Variants in VWA3B observed in about 807,000 individuals in gnomAD.
VWA3B encodes the protein von Willebrand factor A domain containing 3B, also known as von Willebrand factor A domain-containing protein 3B.
VWA3B carries 138 observed loss-of-function variants against 158.3 expected under a neutral mutation model. That is an observed-to-expected ratio of 0.87 (90% CI 0.76 to 1.00). The LOEUF (loss-of-function observed/expected upper bound fraction) is 1.00, where lower values mean the gene tolerates loss of function less well. Among genes scored for constraint, VWA3B ranks in the 50% least tolerant of loss-of-function variants. The probability of loss-of-function intolerance (pLI) is 0.00; values close to 1 mark genes in which losing one functional copy is unlikely to be tolerated. For synonymous variants in VWA3B, 596 were observed against 587.3 expected, an observed-to-expected ratio of 1.01 and a Z score of -0.21; for missense variants, 1,555 against 1,565.1, an observed-to-expected ratio of 0.99 and a Z score of 0.11.
In VWA3B at chr2:98,162,949, A is replaced by G; in HGVS notation, c.1087A>G (p.Lys363Glu). 1 of 1,614,092 alleles carries G rather than the reference A, an allele frequency of 6.2e-7. No homozygotes were observed. The highest frequency in any genetic ancestry group is 8.5e-7 in the Non-Finnish European group (1 of 1,180,030). ...QIQRLVAEPP[K>E]PDVATVDCES... ...CCAGAGGCTGGTGGCCGAGCCTCCC[A>G]AGCCCGACGTGGCCACTGTGGACTG... The change falls in exon 8 of 28, where the codon AAG (lysine) becomes GAG (glutamate). Residue 363 changes from lysine (K) to glutamate (E), a missense_variant. Transcript: ENST00000477737.
intron 7 of VWA3B, among the ~76,000 whole-genome samples, chr2:98,135,460 C>G (rs557142695): frequency 5.5e-5 from 8 of 146,494 alleles, no homozygotes; most frequent in African/African-American, 2.0e-4. Flanking sequence ...CTCAGCCTCC[C>G]GAGTAGCTGG....
chr2:98,216,983 C>CCCCCT (rs1553417722), intron 13 of VWA3B: 6 of 1,162,068 alleles, frequency 5.2e-6, no homozygotes, highest in African/African-American at 3.4e-5. Flanking sequence ...ATTGTAAGCA[C>CCCCCT]CCGCCCCGCA....
At chr2:98,255,522 T>C (rs568306712) in intron 20 of VWA3B, among the ~76,000 whole-genome samples, 1 of 152,124 alleles carries the variant, frequency 6.6e-6, no homozygotes, top group South Asian at 2.1e-4. Flanking sequence ...TAGGAACCAC[T>C]AGCTTCAACC....
rs1558652145 is a variant in VWA3B, at chr2:98,188,009, G to T, written c.1346G>T (p.Cys449Phe). ...TNKKTVHAKYCSRFVHAPWKD... is the reference protein window; with the variant it reads ...TNKKTVHAKYFSRFVHAPWKD... ...AAGAAGACAGTCCATGCAAAATATT[G>T]CAGCAGGTTTGTCCATGCTCCCTGG... is the stretch of plus-strand genomic sequence containing the variant. Residue 449 changes from cysteine to phenylalanine, a missense_variant, in exon 10 of 28, where the codon TGC becomes TTC. Coordinates refer to ENST00000477737, the MANE Select transcript of VWA3B (RefSeq NM_144992.5). 6.2e-7 allele frequency: 1 copy of T among 1,613,620 alleles called. No homozygotes were observed. Among genetic ancestry groups the T allele is most frequent in the Non-Finnish European group, 8.5e-7 (1 of 1,179,838 alleles).
At chr2:98,290,286 G>C (rs921951675) in intron 22 of VWA3B, among the ~76,000 whole-genome samples, 8 of 152,076 alleles carry the variant, frequency 5.3e-5, no homozygotes, top group African/African-American at 1.9e-4. Context: ...CAGATCTTTT[G>C]ATAACTTTAT....
intron 3 of VWA3B, among the ~76,000 whole-genome samples, chr2:98,117,859 C>T (rs111500095): frequency 2.0e-5 from 3 of 151,430 alleles, no homozygotes; most frequent in Admixed American, 6.6e-5. Context: ...TCTCCAGCCT[C>T]GGCCTCCCAA....
chr2:98,154,670 T>C (rs1047398153), intron 7 of VWA3B, among the ~76,000 whole-genome samples: 1 of 152,146 alleles, frequency 6.6e-6, no homozygotes, highest in African/African-American at 2.4e-5. Context: ...CTCCTTAGAA[T>C]TGTACTGAAA....
chr2:98,167,594 C>G (rs1259943975), intron 8 of VWA3B, among the ~76,000 whole-genome samples: 1 of 152,110 alleles, frequency 6.6e-6, no homozygotes, highest in Non-Finnish European at 1.5e-5. Flanking sequence ...CTGGAGGGAC[C>G]AAGGCAGCTA....
chr2:98,187,624 A>G (rs1459752294), intron 9 of VWA3B, among the ~76,000 whole-genome samples: 2 of 143,738 alleles, frequency 1.4e-5, no homozygotes, highest in African/African-American at 2.7e-5. Context: ...CCACATTGCT[A>G]TGTCTCTCTC....
intron 8 of VWA3B, among the ~76,000 whole-genome samples, chr2:98,163,366 C>A (rs370037366): frequency 6.6e-6 from 1 of 152,028 alleles, no homozygotes; most frequent in Non-Finnish European, 1.5e-5. Flanking sequence ...GGTGAAACCC[C>A]GTCTCTACTG....
intron 2 of VWA3B, among the ~76,000 whole-genome samples, chr2:98,107,803 T>TA (rs1280886793): frequency 6.6e-6 from 1 of 152,090 alleles, no homozygotes; most frequent in Non-Finnish European, 1.5e-5. Context: ...TATTGATCTT[T>TA]AAAAAATACC....
rs779607015 is a variant in VWA3B, at chr2:98,311,968, C to T, written c.3671C>T (p.Ser1224Leu). 2.5e-6 allele frequency: 4 copies of T among 1,604,808 alleles called. No individual in the cohort carries two copies. The highest frequency in any genetic ancestry group is 1.1e-5 in the South Asian group (1 of 89,458). ...CTCCAGCAGGCGGCGCCCTCGGACT[C>T]GGACGGCTCCTCCCACGGCATCAGC... ...QPLQQAAPSD[S>L]DGSSHGISSH... Residue 1224 changes from serine (S) to leucine (L), a missense_variant, in exon 27 of 28, where the codon TCG becomes TTG. Physicochemically the swap from Ser to Leu is moderately radical, Grantham distance 145. Coordinates refer to ENST00000477737, the MANE Select transcript of VWA3B (RefSeq NM_144992.5).
chr2:98,170,641 T>C (rs1679505427), intron 8 of VWA3B, among the ~76,000 whole-genome samples: 1 of 150,968 alleles, frequency 6.6e-6, no homozygotes, highest in South Asian at 2.1e-4. Flanking sequence ...AGTATATCGC[T>C]CTGTCACCAG....
chr2:98,151,237 C>G (rs1192846804), intron 7 of VWA3B, among the ~76,000 whole-genome samples: 2 of 152,182 alleles, frequency 1.3e-5, no homozygotes, highest in South Asian at 4.2e-4. Context: ...CTCAGCCTCC[C>G]GAGTAGCTGG....
chr2:98,115,527 C>T (rs993991948), intron 2 of VWA3B, 125 bp from the exon 3 acceptor site: 4 of 689,228 alleles, frequency 5.8e-6, no homozygotes, highest in Non-Finnish European at 1.0e-5. Context: ...GAATAGAAAG[C>T]ATCACAAATT....
At chr2:98,188,273 T>G in intron 10 of VWA3B, 144 bp downstream of exon 10, 1 of 1,079,872 alleles carries the variant, frequency 9.3e-7, no homozygotes, top group Non-Finnish European at 1.3e-6. Context: ...TTTAGGTGTG[T>G]GTATACAATG....
chr2:98,110,229 T>A (rs1674035738), intron 2 of VWA3B, among the ~76,000 whole-genome samples: 1 of 152,156 alleles, frequency 6.6e-6, no homozygotes, highest in African/African-American at 2.4e-5. Flanking sequence ...TTCCCTCTTG[T>A]CTAGATTGGG....
At chr2:98,190,507 T>A (rs1045448696) in intron 10 of VWA3B, among the ~76,000 whole-genome samples, 9 of 152,226 alleles carry the variant, frequency 5.9e-5, no homozygotes, top group African/African-American at 2.2e-4. Flanking sequence ...TATCATTTTT[T>A]TTCCACCTGA....
Position 98,290,546 on chromosome 2 carries a change from C to G in VWA3B, c.3081C>G (p.Thr1027=). The G allele has an allele frequency of 6.3e-7, 1 of 1,581,584 alleles. No individual in the cohort carries two copies. The highest frequency in any genetic ancestry group is 8.5e-7 in the Non-Finnish European group (1 of 1,171,272). Residue 1027 remains threonine, a synonymous_variant, in exon 23 of 28, where the codon ACC becomes ACG. Coordinates refer to ENST00000477737, the MANE Select transcript of VWA3B (RefSeq NM_144992.5). ...TGCAAGGAAATCCAACAAAGAAAACCAAATCAAAAAGACCAGATCCCCTCA... is the reference window on the plus strand; with the variant it reads ...TGCAAGGAAATCCAACAAAGAAAACGAAATCAAAAAGACCAGATCCCCTCA... The part of the protein sequence containing the change: ...QKLQGNPTKK[T]KSKRPDPLKG...
Sources: gnomAD v4.1 joint callset for allele counts (sites outside exome capture counted in the v4.1 genomes callset) on GRCh38, gnomAD v4.1.1 for gene constraint, MANE v1.5 for transcripts, NCBI Gene and HGNC (gene_info 2026-07-23, HGNC 2026-07-21) for gene names.